PTK2B: variants seen among roughly 807,000 people sequenced by gnomAD.
The protein encoded by PTK2B is protein-tyrosine kinase 2-beta.
In PTK2B, 71 loss-of-function variants were observed where a neutral mutation model predicts 142.9. The ratio of observed to expected loss-of-function variants is 0.50; its 90% CI spans 0.41 to 0.61. PTK2B has a LOEUF of 0.61. PTK2B is among the 20% of genes least tolerant of loss of function. The probability of loss-of-function intolerance (pLI) is 0.00; values close to 1 mark genes in which losing one functional copy is unlikely to be tolerated. For synonymous variants in PTK2B, 519 were observed against 503.4 expected, an observed-to-expected ratio of 1.03 and a Z score of -0.42; for missense variants, 1,105 against 1,320.4, an observed-to-expected ratio of 0.84 and a Z score of 2.53.
chr8:27,457,772 C>G (rs1425417859), intron 30 of PTK2B, among the ~76,000 whole-genome samples: 2 of 152,040 alleles, frequency 1.3e-5, no homozygotes, highest in African/African-American at 4.8e-5. Context: ...GTCAGGAGTT[C>G]AAGACCAGCC....
Position 27,458,618 on chromosome 8 carries a change from A to C in PTK2B, c.*109A>C. 8.6e-7 allele frequency: 1 copy of C among 1,167,378 alleles called. No homozygotes were observed. Among genetic ancestry groups the C allele is most frequent in the Non-Finnish European group, 1.2e-6 (1 of 828,062 alleles). The allele number at this position is 1,167,378 out of a possible 1,614,324, so 72.3% of individuals were successfully genotyped here. On this transcript the variant is annotated 3_prime_UTR_variant, in exon 31 of 31. Transcript: ENST00000346049. ...TCCAGGGGGAAGGCCAAGGGGAGTC[A>C]CCTTCCCTTGCCACTTTGCACGACG... is the stretch of plus-strand genomic sequence containing the variant.
At chr8:27,314,386 C>T (rs1392327428) in intron 3 of PTK2B, among the ~76,000 whole-genome samples, 1 of 152,226 alleles carries the variant, frequency 6.6e-6, no homozygotes, top group Non-Finnish European at 1.5e-5. Context: ...AAGTTCAAAA[C>T]CAGCCTGGGC....
At chr8:27,348,496 T>C (rs1183360209) in intron 1 of PTK2B, among the ~76,000 whole-genome samples, 1 of 152,166 alleles carries the variant, frequency 6.6e-6, no homozygotes, top group Non-Finnish European at 1.5e-5. Flanking sequence ...TGCCGTCGCC[T>C]AGTAACGATA....
Position 27,397,599 on chromosome 8 carries a change from C to A in PTK2B, c.15C>A (p.Ser5=), listed in dbSNP as rs570157557. 1.2e-6 allele frequency: 2 copies of A among 1,613,778 alleles called. No homozygotes were observed. Among genetic ancestry groups the A allele is most frequent in the East Asian group, 4.5e-5 (2 of 44,876 alleles). Residue 5 remains serine, a synonymous_variant, in exon 2 of 31, where the codon TCC becomes TCA. Coordinates refer to ENST00000346049, the MANE Select transcript of PTK2B (RefSeq NM_173176.3). ...TGCCTGAGAGGATGTCTGGGGTGTC[C>A]GAGCCCCTGAGTCGAGTAAAGTTGG... The part of the protein sequence containing the change: MSGV[S]EPLSRVKLGT...
intron 4 of PTK2B, 138 bp from the exon 5 acceptor site, chr8:27,422,166 T>C: frequency 1.3e-6 from 1 of 767,064 alleles, no homozygotes; most frequent in Non-Finnish European, 2.0e-6. Flanking sequence ...TCTCCATCCC[T>C]GCTCCATGCT....
chr8:27,430,179 C>T, intron 6 of PTK2B, 24 bp downstream of exon 6: 1 of 1,601,968 alleles, frequency 6.2e-7, no homozygotes, highest in African/African-American at 1.3e-5. Flanking sequence ...TCACCCATCT[C>T]CCCTCCCTTC....
intron 28 of PTK2B, among the ~76,000 whole-genome samples, chr8:27,453,434 T>A (rs1811946546): frequency 6.6e-6 from 1 of 152,078 alleles, no homozygotes; most frequent in South Asian, 2.1e-4. Flanking sequence ...TCAGGGAAAG[T>A]GGTGTGGGCT....
At chr8:27,386,175 A>T (rs1807341391) in intron 1 of PTK2B, among the ~76,000 whole-genome samples, 1 of 152,136 alleles carries the variant, frequency 6.6e-6, no homozygotes, top group Admixed American at 6.5e-5. Flanking sequence ...TTTTTATCAT[A>T]GTTTTTCATT....
At chr8:27,368,387 G>A (rs1017020556) in intron 1 of PTK2B, among the ~76,000 whole-genome samples, 18 of 150,400 alleles carry the variant, frequency 1.2e-4, no homozygotes, top group South Asian at 2.1e-4. Context: ...CCCCTACCCC[G>A]CCACCATCAC....
intron 1 of PTK2B, among the ~76,000 whole-genome samples, chr8:27,342,899 C>T (rs1220102562): frequency 6.6e-6 from 1 of 152,174 alleles, no homozygotes; most frequent in Non-Finnish European, 1.5e-5. Flanking sequence ...GAGAAACAAA[C>T]CAAAGCAAAC....
intron 1 of PTK2B, among the ~76,000 whole-genome samples, chr8:27,390,087 C>G (rs1035383723): frequency 6.6e-6 from 1 of 152,140 alleles, no homozygotes. Context: ...TCTGCTAGAT[C>G]CAAAGGGCTG....
At chr8:27,432,505 C>A (rs1586311038) in intron 10 of PTK2B, 144 bp downstream of exon 10, 2 of 695,034 alleles carry the variant, frequency 2.9e-6, no homozygotes, top group Non-Finnish European at 4.7e-6. Context: ...GAAAACTGCA[C>A]CAAGTTCTTA....
chr8:27,313,401 G>A (rs73565916), intron 3 of PTK2B: 7,284 of 152,322 alleles, frequency 0.048, 527 homozygotes, highest in African/African-American at 0.15. Context: ...AGCAACTGAG[G>A]CAAGTTTCAG....
intron 1 of PTK2B, among the ~76,000 whole-genome samples, chr8:27,330,934 A>G (rs1803709290): frequency 6.6e-6 from 1 of 152,192 alleles, no homozygotes; most frequent in Non-Finnish European, 1.5e-5. Context: ...AGTTAGTGTG[A>G]CTAAAACCAA....
intron 3 of PTK2B, 106 bp downstream of exon 3, chr8:27,420,179 A>G (rs559450986): frequency 1.1e-5 from 15 of 1,327,762 alleles, no homozygotes; most frequent in African/African-American, 1.5e-5. Flanking sequence ...AGAAACTTCT[A>G]GCAAACCTGA....
At chr8:27,322,983 T>A (rs1417249969), upstream of PTK2B, among the ~76,000 whole-genome samples, 2 of 152,274 alleles carry the variant, frequency 1.3e-5, no homozygotes, top group Non-Finnish European at 1.5e-5. Flanking sequence ...TGAAGTCCTC[T>A]GCTGTCTCTG....
chr8:27,445,848 C>T lies in PTK2B; in HGVS notation c.2269C>T (p.Pro757Ser), dbSNP rs749184832. Residue 757 changes from proline to serine, a missense_variant, in exon 24 of 31, where the codon CCA becomes TCA. Physicochemically the swap from Pro to Ser is moderately conservative, Grantham distance 74. Transcript: ENST00000346049. ...SPTLTSPMEY[P>S]SPVNSLHTPP... ...TACGCTCACCAGCCCTATGGAGTAT[C>T]CATCTCCCGTTAACTCACTGCACAC... 9 of 1,614,006 alleles carry T rather than the reference C, an allele frequency of 5.6e-6. No individual in the cohort carries two copies. The East Asian group carries it at 8.9e-5, about 16-fold the overall frequency.
chr8:27,450,494 C>A (rs1296192438), intron 24 of PTK2B, among the ~76,000 whole-genome samples: 1 of 152,204 alleles, frequency 6.6e-6, no homozygotes, highest in African/African-American at 2.4e-5. Context: ...ATCGTGTAAT[C>A]ATTTGAATAC....
At chr8:27,443,756 A>G (rs1811300799) in intron 22 of PTK2B, among the ~76,000 whole-genome samples, 2 of 152,272 alleles carry the variant, frequency 1.3e-5, no homozygotes, top group African/African-American at 4.8e-5. Context: ...ACAATGTCTG[A>G]TCCCATCTAA....
Sources: allele counts gnomAD v4.1 joint callset (sites outside exome capture counted in the v4.1 genomes callset), GRCh38; gene constraint gnomAD v4.1.1; transcripts MANE v1.5; gene names NCBI Gene and HGNC (gene_info 2026-07-23, HGNC 2026-07-21).